Variants in SNX6 observed in about 807,000 individuals in gnomAD.
The protein encoded by SNX6 is sorting nexin 6.
SNX6 carries 34 observed loss-of-function variants against 63.0 expected under a neutral mutation model. The ratio of observed to expected loss-of-function variants is 0.54; its 90% CI spans 0.41 to 0.72. SNX6 has a LOEUF of 0.72. Ranked by LOEUF, SNX6 falls within the 30% of genes least tolerant of loss-of-function variation. The pLI, the probability that SNX6 is intolerant of heterozygous loss-of-function variation, is 0.00. For missense variants in SNX6, 398 were observed against 471.4 expected (o/e 0.84, Z 1.44); for synonymous variants, 170 against 164.2 (o/e 1.04, Z -0.27).
chr14:34,581,257 G>A (rs1881922162), intron 10 of SNX6, among the ~76,000 whole-genome samples: 1 of 152,130 alleles, frequency 6.6e-6, no homozygotes, highest in Non-Finnish European at 1.5e-5. Flanking sequence ...GGGTTCAAGC[G>A]ATTCTTGTGC....
chr14:34,594,693 T>C (rs1387250521), intron 7 of SNX6, among the ~76,000 whole-genome samples: 1 of 152,012 alleles, frequency 6.6e-6, no homozygotes, highest in Non-Finnish European at 1.5e-5. Flanking sequence ...TTTACCCCCT[T>C]CTACATTACC....
chr14:34,600,181 G>A (rs1051325988), intron 6 of SNX6, among the ~76,000 whole-genome samples: 4 of 152,010 alleles, frequency 2.6e-5, no homozygotes, highest in Non-Finnish European at 4.4e-5. Flanking sequence ...CACCCATGCT[G>A]TGGCACAATC....
At chr14:34,586,209 G>T in intron 9 of SNX6, 21 bp downstream of exon 9, 2 of 1,527,886 alleles carry the variant, frequency 1.3e-6, no homozygotes, top group Non-Finnish European at 1.8e-6. Flanking sequence ...CCTATTTCAC[G>T]TTTTAAATTA....
At chr14:34,601,591 AT>A (rs1172458235) in intron 6 of SNX6, among the ~76,000 whole-genome samples, 2 of 150,830 alleles carry the variant, frequency 1.3e-5, no homozygotes, top group Non-Finnish European at 3.0e-5. Flanking sequence ...AACATGATTT[AT>A]TTTTTATTTT....
chr14:34,568,143 A>AC, intron 11 of SNX6, 130 bp from the exon 12 acceptor site: 1 of 620,386 alleles, frequency 1.6e-6, no homozygotes, highest in Non-Finnish European at 2.5e-6. Flanking sequence ...CAGTTACTCC[A>AC]ATTTTTTTTT....
intron 13 of SNX6, among the ~76,000 whole-genome samples, chr14:34,566,329 C>T (rs1468593327): frequency 1.3e-5 from 2 of 152,192 alleles, no homozygotes; most frequent in Non-Finnish European, 1.5e-5. Context: ...TGTCCTGCCT[C>T]AGCCTCCCAA....
intron 3 of SNX6, 119 bp from the exon 4 acceptor site, chr14:34,608,259 C>A (rs531244245): frequency 1.9e-6 from 1 of 528,736 alleles, no homozygotes; most frequent in Non-Finnish European, 3.4e-6. Flanking sequence ...CTCACTGCAG[C>A]CTCAACCTCC....
At chr14:34,600,421 G>A (rs994387277) in intron 6 of SNX6, among the ~76,000 whole-genome samples, 4 of 151,394 alleles carry the variant, frequency 2.6e-5, no homozygotes, top group Middle Eastern at 3.4e-3. Flanking sequence ...CACCGCACCC[G>A]GCATTTTTCT....
chr14:34,576,318 T>C (rs1881699257), intron 10 of SNX6, among the ~76,000 whole-genome samples: 1 of 152,010 alleles, frequency 6.6e-6, no homozygotes, highest in Non-Finnish European at 1.5e-5. Flanking sequence ...CCATTCCTAT[T>C]TTATTGAGCT....
chr14:34,613,324 T>C (rs1199588729), intron 2 of SNX6, among the ~76,000 whole-genome samples: 1 of 152,244 alleles, frequency 6.6e-6, no homozygotes, highest in Non-Finnish European at 1.5e-5. Flanking sequence ...TAAATTTATG[T>C]AGTTTTAAGC....
chr14:34,571,709 T>C (rs1204535195), intron 11 of SNX6, among the ~76,000 whole-genome samples: 1 of 152,148 alleles, frequency 6.6e-6, no homozygotes, highest in Non-Finnish European at 1.5e-5. Flanking sequence ...CCACAGCACA[T>C]TTCTTTTTAT....
At position 34,629,309 on chromosome 14, in the gene SNX6, G is replaced by A. The variant is rs111497071; in HGVS notation, c.54+598C>T. ...AGCTAAGGGGGAATAAAACACCAAG[G>A]AAATCCTGCCAAAGACAGGATTTGT... On this transcript the variant is annotated intron_variant, in intron 2 of 13. Coordinates refer to ENST00000362031, the MANE Select transcript of SNX6 (RefSeq NM_152233.4). 4.9e-3 allele frequency: 1,674 copies of A among 343,868 alleles called. 29 individuals carry two copies. The highest frequency in any genetic ancestry group is 0.033 in the African/African-American group (1,529 of 46,404). 21.3% of individuals were successfully genotyped at this position (343,868 alleles called of 1,614,324 possible). A position where few individuals can be genotyped will look rare whatever the true frequency, so the allele number is the denominator to read the frequency against.
intron 2 of SNX6, chr14:34,629,456 A>T (rs956875857): frequency 7.5e-5 from 35 of 464,910 alleles, no homozygotes; most frequent in Non-Finnish European, 1.4e-4. Context: ...TGTAGACTAC[A>T]CCTGTACTAT....
At chr14:34,600,151 G>A (rs969182500) in intron 6 of SNX6, among the ~76,000 whole-genome samples, 12 of 151,620 alleles carry the variant, frequency 7.9e-5, no homozygotes, top group African/African-American at 2.9e-4. Context: ...TTTCTCTTTT[G>A]AGACAGAATA....
chr14:34,627,779 C>T (rs187148913), intron 2 of SNX6, among the ~76,000 whole-genome samples: 7 of 151,720 alleles, frequency 4.6e-5, no homozygotes, highest in Admixed American at 1.3e-4. Flanking sequence ...CGTGAGCCAC[C>T]GTGCCTGGTC....
chr14:34,629,516 G>A (rs1410582935), intron 2 of SNX6: 1 of 499,932 alleles, frequency 2.0e-6, no homozygotes, highest in South Asian at 1.5e-5. Context: ...TGTCCACACC[G>A]GGTGAAAATT....
At chr14:34,608,500 A>G (rs1170825653) in intron 3 of SNX6, among the ~76,000 whole-genome samples, 2 of 152,214 alleles carry the variant, frequency 1.3e-5, no homozygotes, top group Middle Eastern at 3.2e-3. Flanking sequence ...ATCATTTAAA[A>G]AAATTCATCT....
chr14:34,606,097 C>G (rs1396342415), intron 4 of SNX6, among the ~76,000 whole-genome samples: 3 of 151,706 alleles, frequency 2.0e-5, no homozygotes, highest in East Asian at 1.9e-4. Context: ...TCGCTTGAAC[C>G]TGGGAGTCGG....
rs575326777 is a variant in SNX6 at position 34,602,900 on chromosome 14, C to T, written c.516+448G>A. ...CTGAGGCAGGAGAATGGCATGAACC[C>T]GGGAGGCGGAGCTTGCAGTGAGCTG... On this transcript the variant is annotated intron_variant, in intron 6 of 13. Coordinates refer to ENST00000362031, the MANE Select transcript of SNX6 (RefSeq NM_152233.4). 3.4e-5 allele frequency among the ~76,000 whole-genome samples: 5 copies of T among 148,824 alleles called. No homozygotes were observed. In the South Asian group the frequency reaches 6.4e-4, roughly 19 times the overall value.
Sources: gnomAD v4.1 joint callset for allele counts (sites outside exome capture counted in the v4.1 genomes callset) on GRCh38, gnomAD v4.1.1 for gene constraint, MANE v1.5 for transcripts, NCBI Gene and HGNC (gene_info 2026-07-23, HGNC 2026-07-21) for gene names.